Variants in ABCG2 observed in about 807,000 individuals in gnomAD.
ABCG2 encodes the protein broad substrate specificity ATP-binding cassette transporter ABCG2.
ABCG2 carries 80 observed loss-of-function variants against 73.5 expected under a neutral mutation model. That is an observed-to-expected ratio of 1.09 (90% confidence interval 0.91 to 1.31). ABCG2 has a LOEUF of 1.31. ABCG2 is among the 50% of genes most tolerant of loss of function. The pLI is 0.00. For synonymous variants in ABCG2, 269 were observed against 282.4 expected (o/e 0.95, Z 0.48); for missense variants, 796 against 786.2 (o/e 1.01, Z -0.15).
chr4:88,152,386 T>C (rs980371914), intron 1 of ABCG2, among the ~76,000 whole-genome samples: 6 of 152,178 alleles, frequency 3.9e-5, no homozygotes, highest in Non-Finnish European at 5.9e-5. Context: ...TAAAGCTTTT[T>C]AATCACCTGG....
At chr4:88,197,387 G>A (rs1005897778) in intron 1 of ABCG2, among the ~76,000 whole-genome samples, 1 of 152,072 alleles carries the variant, frequency 6.6e-6, no homozygotes, top group Non-Finnish European at 1.5e-5. Flanking sequence ...AGAGTGAGGT[G>A]GAAGGACTGC....
chr4:88,225,915 G>A (rs1259750562), intron 1 of ABCG2, among the ~76,000 whole-genome samples: 1 of 152,100 alleles, frequency 6.6e-6, no homozygotes, highest in Non-Finnish European at 1.5e-5. Context: ...AGTGAAAGGG[G>A]TTTCCCCTTA....
At chr4:88,101,557 C>T (rs746631701) in intron 10 of ABCG2, among the ~76,000 whole-genome samples, 7 of 152,044 alleles carry the variant, frequency 4.6e-5, no homozygotes, top group East Asian at 1.9e-4. Flanking sequence ...GAATGAATTG[C>T]GTCTCCCCCC....
At chr4:88,098,387 G>C (rs1722127456) in intron 12 of ABCG2, among the ~76,000 whole-genome samples, 1 of 151,938 alleles carries the variant, frequency 6.6e-6, no homozygotes, top group Non-Finnish European at 1.5e-5. Context: ...CAAGGAGCCT[G>C]GAGTGAAGCC....
chr4:88,196,787 A>G (rs751292912), intron 1 of ABCG2, among the ~76,000 whole-genome samples: 4 of 94,864 alleles, frequency 4.2e-5, no homozygotes, highest in Non-Finnish European at 6.7e-5. Context: ...GAAGATTACC[A>G]AAAAAAAAAA....
rs958849526 is a variant in ABCG2 at position 88,097,584 on chromosome 4, A to G, written c.1516T>C (p.Phe506Leu). 6.2e-7 allele frequency: 1 copy of G among 1,614,032 alleles called. No homozygotes were observed. The highest frequency in any genetic ancestry group is 1.3e-5 in the African/African-American group (1 of 74,950). Residue 506 changes from phenylalanine to leucine, a missense_variant, in exon 13 of 16, where the codon TTC becomes CTC. Phe to Leu is a conservative substitution (Grantham distance 22). Coordinates refer to ENST00000237612, the MANE Select transcript of ABCG2 (RefSeq NM_004827.3). Reference sequence around the variant, plus strand: ...ATAAGGGTAAACATCATAACGAAGAAGGCATCTGCCTTTGGCTTCAATCCT... The same window carrying G: ...ATAAGGGTAAACATCATAACGAAGAGGGCATCTGCCTTTGGCTTCAATCCT... ...MLGLKPKADA[F>L]FVMMFTLMMV...
intron 3 of ABCG2, 50 bp downstream of exon 3, chr4:88,132,526 G>C: frequency 6.3e-7 from 1 of 1,592,640 alleles, no homozygotes; most frequent in Middle Eastern, 1.7e-4. Flanking sequence ...GCTTTTAAAA[G>C]CACATTAAAA....
At chr4:88,214,169 G>C (rs1729714348) in intron 1 of ABCG2, among the ~76,000 whole-genome samples, 1 of 151,088 alleles carries the variant, frequency 6.6e-6, no homozygotes, top group African/African-American at 2.4e-5. Flanking sequence ...TGTATTTTTT[G>C]TAGAGACAAG....
intron 1 of ABCG2, among the ~76,000 whole-genome samples, chr4:88,210,228 T>C (rs2110122275): frequency 6.6e-6 from 1 of 151,810 alleles, no homozygotes; most frequent in South Asian, 2.1e-4. Flanking sequence ...CACATATACA[T>C]ATATACGTTT....
intron 1 of ABCG2, among the ~76,000 whole-genome samples, chr4:88,201,523 A>C (rs1403406253): frequency 6.6e-6 from 1 of 152,220 alleles, no homozygotes; most frequent in East Asian, 1.9e-4. Context: ...GAAAGTCCCT[A>C]GCCCCAGATA....
In ABCG2 at chr4:88,097,525, C is replaced by A; in HGVS notation, c.1575G>T (p.Leu525=). The A allele has an allele frequency of 6.2e-7, 1 of 1,614,168 alleles. No homozygotes were observed. Among genetic ancestry groups the A allele is most frequent in the South Asian group, 1.1e-5 (1 of 91,078 alleles). The part of the protein sequence containing the change: ...MVAYSASSMA[L]AIAAGQSVVS... ...CCACACTCTGACCTGCTGCTATGGCCAGTGCCATGGAACTGGCTGAATAAG... is the reference window on the plus strand; with the variant it reads ...CCACACTCTGACCTGCTGCTATGGCAAGTGCCATGGAACTGGCTGAATAAG... Residue 525 remains leucine (L), a synonymous_variant, in exon 13 of 16, where the codon CTG becomes CTT. Coordinates refer to ENST00000237612, the MANE Select transcript of ABCG2 (RefSeq NM_004827.3).
At chr4:88,213,943 A>G (rs1578283667) in intron 1 of ABCG2, among the ~76,000 whole-genome samples, 1 of 146,706 alleles carries the variant, frequency 6.8e-6, no homozygotes, top group East Asian at 2.0e-4. Context: ...TCAGCCTCCC[A>G]AAGTGCTGGG....
At chr4:88,152,956 C>T (rs1189239124) in intron 1 of ABCG2, among the ~76,000 whole-genome samples, 2 of 151,728 alleles carry the variant, frequency 1.3e-5, no homozygotes, top group East Asian at 1.9e-4. Flanking sequence ...AACAATTGTC[C>T]TATATAAGTA....
chr4:88,119,252 T>C (rs895990960), intron 6 of ABCG2, among the ~76,000 whole-genome samples: 6 of 152,220 alleles, frequency 3.9e-5, no homozygotes, highest in African/African-American at 1.4e-4. Flanking sequence ...TCCCCAGCCA[T>C]GTGCAACTGT....
intron 15 of ABCG2, among the ~76,000 whole-genome samples, chr4:88,092,653 G>T (rs1578162446): frequency 6.6e-6 from 1 of 152,322 alleles, no homozygotes; most frequent in South Asian, 2.1e-4. Context: ...TAAGGAACTT[G>T]ACCAGGTTTA....
chr4:88,142,606 G>A (rs181812509), intron 1 of ABCG2, among the ~76,000 whole-genome samples: 1 of 152,128 alleles, frequency 6.6e-6, no homozygotes, highest in African/African-American at 2.4e-5. Flanking sequence ...CAGCAGCCCT[G>A]TCCTTGAGTT....
At chr4:88,143,926 A>G (rs1725802315) in intron 1 of ABCG2, among the ~76,000 whole-genome samples, 1 of 152,234 alleles carries the variant, frequency 6.6e-6, no homozygotes, top group African/African-American at 2.4e-5. Flanking sequence ...AAAGTGCCCG[A>G]TCTCTAATGA....
intron 12 of ABCG2, 60 bp from the exon 13 acceptor site, chr4:88,097,667 T>C: frequency 6.5e-7 from 1 of 1,538,124 alleles, no homozygotes; most frequent in Non-Finnish European, 8.8e-7. Flanking sequence ...ATGTTTGGGA[T>C]TGCTTATTGT....
At chr4:88,098,370 T>G (rs2110180085) in intron 12 of ABCG2, among the ~76,000 whole-genome samples, 2 of 152,040 alleles carry the variant, frequency 1.3e-5, no homozygotes, top group East Asian at 3.9e-4. Context: ...TATATGGAAA[T>G]CAGATGCAAG....
Sources: allele counts gnomAD v4.1 joint callset (sites outside exome capture counted in the v4.1 genomes callset), GRCh38; gene constraint gnomAD v4.1.1; transcripts MANE v1.5; gene names NCBI Gene and HGNC (gene_info 2026-07-23, HGNC 2026-07-21).